The following ATP8B4 variants were observed in gnomAD, a reference collection of about 807,000 sequenced individuals.
The protein encoded by ATP8B4 is ATPase phospholipid transporting 8B4 (putative).
Under a neutral mutation model 145.6 loss-of-function variants are expected in ATP8B4, and 133 were observed. That is an observed-to-expected ratio of 0.91 (90% CI 0.79 to 1.05). The LOEUF (loss-of-function observed/expected upper bound fraction) is 1.05. Ranked by LOEUF, ATP8B4 falls within the 50% of genes least tolerant of loss-of-function variation. ATP8B4 has a pLI of 0.00. For missense variants in ATP8B4, 1,458 were observed against 1,425.2 expected, an observed-to-expected ratio of 1.02 and a Z score of -0.37; for synonymous variants, 507 against 492.9, an observed-to-expected ratio of 1.03 and a Z score of -0.38.
chr15:49,963,851 G>C (rs1193960564), intron 13 of ATP8B4, among the ~76,000 whole-genome samples: 1 of 151,730 alleles, frequency 6.6e-6, no homozygotes, highest in African/African-American at 2.4e-5. Context: ...CATGGCACAC[G>C]TTTACCTATG....
chr15:50,083,626 C>G (rs908910865), intron 2 of ATP8B4, among the ~76,000 whole-genome samples: 2 of 152,148 alleles, frequency 1.3e-5, no homozygotes, highest in Admixed American at 6.5e-5. Flanking sequence ...AGAAAGAGCT[C>G]TGAAGAGAGC....
chr15:49,974,081 CTT>C (rs5812500), intron 12 of ATP8B4, among the ~76,000 whole-genome samples: 3 of 126,692 alleles, frequency 2.4e-5, no homozygotes, highest in Admixed American at 8.1e-5. Context: ...TATCATTTGT[CTT>C]TTTTTTTTTT....
At chr15:49,890,696 A>T (rs1338389731) in intron 23 of ATP8B4, among the ~76,000 whole-genome samples, 1 of 152,256 alleles carries the variant, frequency 6.6e-6, no homozygotes, top group African/African-American at 2.4e-5. Context: ...TTAGAAAAAC[A>T]GGACTAAAAA....
intron 14 of ATP8B4, among the ~76,000 whole-genome samples, chr15:49,934,426 G>A (rs2041558668): frequency 6.6e-6 from 1 of 151,960 alleles, no homozygotes; most frequent in South Asian, 2.1e-4. Context: ...ATATGGGATG[G>A]CTGTACAGAT....
intron 15 of ATP8B4, among the ~76,000 whole-genome samples, chr15:49,933,229 A>G (rs1179771249): frequency 6.6e-6 from 1 of 152,108 alleles, no homozygotes; most frequent in East Asian, 1.9e-4. Context: ...TATTGGAAGT[A>G]TCAGAAACAG....
At chr15:50,048,114 A>G (rs140588622) in intron 3 of ATP8B4, among the ~76,000 whole-genome samples, 2 of 152,170 alleles carry the variant, frequency 1.3e-5, no homozygotes, top group Non-Finnish European at 2.9e-5. Context: ...GGTTTGGTGT[A>G]TGAATGATCC....
At chr15:49,879,254 A>G (rs2035004773) in intron 24 of ATP8B4, 122 bp downstream of exon 24, 2 of 843,042 alleles carry the variant, frequency 2.4e-6, no homozygotes, top group Non-Finnish European at 3.7e-6. Flanking sequence ...TCCATGCAAA[A>G]GCAACTAAAA....
At chr15:50,106,040 A>T (rs981355127) in intron 2 of ATP8B4, among the ~76,000 whole-genome samples, 2 of 152,240 alleles carry the variant, frequency 1.3e-5, no homozygotes, top group Admixed American at 1.3e-4. Context: ...ACATTGAGAC[A>T]GAGTTCAGCT....
intron 23 of ATP8B4, chr15:49,897,053 A>T (rs758152881): frequency 2.2e-6 from 1 of 454,434 alleles, no homozygotes; most frequent in East Asian, 3.5e-5. Context: ...TGGAAGGAGT[A>T]CTCACTGGTT....
At position 50,002,239 on chromosome 15, in the gene ATP8B4, A is replaced by G. The variant is rs943953203; in HGVS notation, c.436-16T>C. 1.3e-6 allele frequency: 2 copies of G among 1,589,318 alleles called. No individual in the cohort carries two copies. Among genetic ancestry groups the G allele is most frequent in the Non-Finnish European group, 1.7e-6 (2 of 1,160,046 alleles). On this transcript the variant is annotated splice_polypyrimidine_tract_variant and intron_variant, in intron 7 of 27. Transcript: ENST00000284509. Reference sequence around the variant, plus strand: ...GTAAATCAGCCTATTTTCAAAAATCATAACAAAAGAATACTTGAGAAGTTA... The same window carrying G: ...GTAAATCAGCCTATTTTCAAAAATCGTAACAAAAGAATACTTGAGAAGTTA...
intron 1 of ATP8B4, among the ~76,000 whole-genome samples, chr15:50,154,067 C>G (rs2044382862): frequency 6.6e-6 from 1 of 152,176 alleles, no homozygotes; most frequent in Non-Finnish European, 1.5e-5. Flanking sequence ...CCAACTTGAT[C>G]ACATGCAAAA....
At position 50,170,447 on chromosome 15, in the gene ATP8B4, A is replaced by G. The variant is rs137908460; in HGVS notation, c.-43+11814T>C. On this transcript the variant is annotated intron_variant, in intron 1 of 3. Coordinates refer to the ATP8B4 transcript ENST00000558829. ...TAGGCATCATATATGAAGGAAAGAT[A>G]CAGTTGTTTTCAGACAAACAAATGC... is the stretch of plus-strand genomic sequence containing the variant. Among the ~76,000 whole-genome samples the G allele has an allele frequency of 6.0e-3, 920 of 152,140 alleles. 11 individuals carry two copies. Among genetic ancestry groups the G allele is most frequent in the African/African-American group, 0.022 (895 of 41,452 alleles).
chr15:50,095,159 T>G (rs967794528), intron 2 of ATP8B4, among the ~76,000 whole-genome samples: 1 of 152,030 alleles, frequency 6.6e-6, no homozygotes, highest in Admixed American at 6.6e-5. Flanking sequence ...ATGAGAAAGA[T>G]AGCAGCCCTT....
At chr15:50,090,750 G>GA (rs1241754402) in intron 2 of ATP8B4, among the ~76,000 whole-genome samples, 49 of 152,036 alleles carry the variant, frequency 3.2e-4, no homozygotes, top group Admixed American at 3.2e-3. Flanking sequence ...CAAAATTATT[G>GA]AAATGTGATT....
intron 14 of ATP8B4, among the ~76,000 whole-genome samples, chr15:49,955,314 A>T (rs1050138166): frequency 1.3e-5 from 2 of 152,210 alleles, no homozygotes; most frequent in East Asian, 3.8e-4. Flanking sequence ...ATGTACCCCG[A>T]TTCTAAAACA....
intron 14 of ATP8B4, among the ~76,000 whole-genome samples, chr15:49,944,394 G>A (rs540777621): frequency 2.3e-4 from 35 of 152,134 alleles, no homozygotes; most frequent in African/African-American, 1.7e-4. Flanking sequence ...CCATGAAAAT[G>A]GCAAACAAAA....
chr15:50,050,764 T>G (rs1447087562), intron 3 of ATP8B4, among the ~76,000 whole-genome samples: 3 of 152,180 alleles, frequency 2.0e-5, no homozygotes, highest in African/African-American at 7.2e-5. Context: ...ATTAAATATG[T>G]TTTATTTAAC....
chr15:49,967,173 C>A (rs977109502), intron 13 of ATP8B4, among the ~76,000 whole-genome samples: 2 of 152,230 alleles, frequency 1.3e-5, no homozygotes, highest in South Asian at 4.2e-4. Context: ...AAAACCAGTG[C>A]AAAAAAGCTG....
chr15:50,092,034 AAC>A (rs1207064169), intron 2 of ATP8B4, among the ~76,000 whole-genome samples: 1 of 152,168 alleles, frequency 6.6e-6, no homozygotes, highest in Non-Finnish European at 1.5e-5. Flanking sequence ...TTCCCCTTGA[AAC>A]ACTTGCTAAT....
Sources: gnomAD v4.1 joint callset for allele counts (sites outside exome capture counted in the v4.1 genomes callset) on GRCh38, gnomAD v4.1.1 for gene constraint, MANE v1.5 for transcripts, NCBI Gene and HGNC (gene_info 2026-07-23, HGNC 2026-07-21) for gene names.